The following CNBD2 variants were observed in gnomAD, a reference collection of about 807,000 sequenced individuals.
CNBD2 encodes cyclic nucleotide-binding domain-containing protein 2.
A neutral mutation model predicts 63.7 loss-of-function variants in CNBD2; 64 were observed. The ratio of observed to expected loss-of-function variants is 1.00; its 90% confidence interval spans 0.82 to 1.24. The LOEUF is 1.24. Among genes scored for constraint, CNBD2 ranks in the 50% most tolerant of loss-of-function variants. CNBD2 has a pLI of 0.00. For missense variants in CNBD2, 691 were observed against 713.5 expected, an observed-to-expected ratio of 0.97 and a Z score of 0.36; for synonymous variants, 229 against 255.4, an observed-to-expected ratio of 0.90 and a Z score of 0.99.
At chr20:36,000,719 T>A (rs888034271) in intron 8 of CNBD2, among the ~76,000 whole-genome samples, 1 of 148,900 alleles carries the variant, frequency 6.7e-6, no homozygotes, top group African/African-American at 2.6e-5. Context: ...CCACCACGCC[T>A]GGCTAATTTT....
intron 10 of CNBD2, among the ~76,000 whole-genome samples, chr20:36,015,723 G>A (rs1044493397): frequency 2.0e-5 from 3 of 152,146 alleles, no homozygotes; most frequent in African/African-American, 7.2e-5. Flanking sequence ...AGCAGTGTTG[G>A]ATTATAACCA....
At chr20:36,017,537 C>T (rs967525900) in intron 10 of CNBD2, among the ~76,000 whole-genome samples, 1 of 152,102 alleles carries the variant, frequency 6.6e-6, no homozygotes, top group African/African-American at 2.4e-5. Context: ...TTAGAAATTT[C>T]TTCCTTTTGT....
At position 36,023,768 on chromosome 20, in the gene CNBD2, C is replaced by G. The variant is rs753316398; in HGVS notation, c.1436C>G (p.Pro479Arg). Residue 479 changes from proline (P) to arginine (R), a missense_variant, in exon 11 of 12, where the codon CCC (proline) becomes CGC (arginine). Pro to Arg is a moderately radical substitution (Grantham distance 103, BLOSUM62 -2). Coordinates refer to ENST00000373973, the MANE Select transcript of CNBD2 (RefSeq NM_001365709.1). ...TTGTTAAAGCTCAATATTGCATTCC[C>G]CAGGTCAGTACTGGAAATGTGCGTA... The part of the protein sequence containing the change: ...KKLLKLNIAF[P>R]SDEDMCQKFL... 6.2e-7 allele frequency: 1 copy of G among 1,608,340 alleles called. No homozygotes were observed. The highest frequency in any genetic ancestry group is 8.5e-7 in the Non-Finnish European group (1 of 1,177,372).
At chr20:35,954,862 G>T in exon 1 of CNBD2, 1 of 304,150 alleles carries the variant, frequency 3.3e-6, no homozygotes, top group Non-Finnish European at 6.8e-6. Context: ...GCTCGTTCGA[G>T]TGGCGCCCGG....
chr20:36,007,785 G>A (rs1440119138), intron 8 of CNBD2, among the ~76,000 whole-genome samples: 3 of 152,190 alleles, frequency 2.0e-5, no homozygotes, highest in Non-Finnish European at 4.4e-5. Context: ...ATCTCCCAAA[G>A]TGCTGGGATT....
intron 10 of CNBD2, among the ~76,000 whole-genome samples, chr20:36,017,342 T>C (rs2057148871): frequency 6.6e-6 from 1 of 152,148 alleles, no homozygotes; most frequent in Non-Finnish European, 1.5e-5. Flanking sequence ...CCTCTGTTCC[T>C]CTGTCACTAT....
At chr20:35,965,014 A>G (rs1287129328), upstream of CNBD2, among the ~76,000 whole-genome samples, 1 of 152,046 alleles carries the variant, frequency 6.6e-6, no homozygotes, top group Non-Finnish European at 1.5e-5. Flanking sequence ...TATATCTTTC[A>G]TAGCTTTATT....
At chr20:35,986,476 C>G (rs991720445) in intron 6 of CNBD2, among the ~76,000 whole-genome samples, 7 of 152,072 alleles carry the variant, frequency 4.6e-5, no homozygotes, top group Non-Finnish European at 1.0e-4. Context: ...ACCCTTCTCC[C>G]AAGGTCATGG....
intron 5 of CNBD2, among the ~76,000 whole-genome samples, 157 bp from the exon 6 acceptor site, chr20:35,984,470 G>T (rs2056639037): frequency 6.6e-6 from 1 of 152,188 alleles, no homozygotes. Flanking sequence ...GTGGGCCCCA[G>T]TGGGAGAATG....
chr20:35,967,338 C>T (rs2056354516), upstream of CNBD2, among the ~76,000 whole-genome samples: 2 of 148,210 alleles, frequency 1.3e-5, no homozygotes, highest in Admixed American at 1.4e-4. Flanking sequence ...CAACCTCTGC[C>T]TCCCGGGTTC....
intron 10 of CNBD2, among the ~76,000 whole-genome samples, chr20:36,018,751 G>A (rs1033618302): frequency 6.6e-6 from 1 of 152,200 alleles, no homozygotes; most frequent in Non-Finnish European, 1.5e-5. Context: ...CCTCTGAGGT[G>A]GTCAAGACTG....
At chr20:35,969,057 A>T (rs942513053) in intron 1 of CNBD2, among the ~76,000 whole-genome samples, 1 of 152,186 alleles carries the variant, frequency 6.6e-6, no homozygotes, top group Non-Finnish European at 1.5e-5. Flanking sequence ...TCTTCCTGCT[A>T]TTATGAGATC....
At chr20:35,992,158 G>A (rs559680202) in intron 7 of CNBD2, among the ~76,000 whole-genome samples, 2 of 152,306 alleles carry the variant, frequency 1.3e-5, no homozygotes, top group East Asian at 3.9e-4. Flanking sequence ...TGGGATTACA[G>A]GCATGAACCA....
At chr20:36,022,026 T>A (rs76294390) in intron 10 of CNBD2, among the ~76,000 whole-genome samples, 1 of 150,916 alleles carries the variant, frequency 6.6e-6, no homozygotes, top group Non-Finnish European at 1.5e-5. Context: ...TTTTTTTTTT[T>A]GAGTCACAGT....
At chr20:36,026,121 C>G (rs971675267) in intron 11 of CNBD2, among the ~76,000 whole-genome samples, 1 of 152,092 alleles carries the variant, frequency 6.6e-6, no homozygotes, top group Non-Finnish European at 1.5e-5. Flanking sequence ...GCAACCTCTG[C>G]CTCCCGGGCT....
chr20:35,995,602 A>G (rs1257521273), intron 8 of CNBD2, among the ~76,000 whole-genome samples: 2 of 152,034 alleles, frequency 1.3e-5, no homozygotes, highest in African/African-American at 4.8e-5. Flanking sequence ...TCATTTCTTC[A>G]TTCTGTTTTA....
rs1408805718 is a variant in CNBD2, at chr20:35,984,260, G to A, written c.564+122G>A. On this transcript the variant is annotated intron_variant, in intron 5 of 11. Coordinates refer to ENST00000373973, the MANE Select transcript of CNBD2 (RefSeq NM_001365709.1). Reference sequence around the variant, plus strand: ...TACTCTGTACAAGTCAGTGTCCCGTGTGGGCCCCTTACCTGTCAAATGCTA... The same window carrying A: ...TACTCTGTACAAGTCAGTGTCCCGTATGGGCCCCTTACCTGTCAAATGCTA... 4.0e-6 allele frequency: 4 copies of A among 1,010,422 alleles called. No homozygotes were observed. In the Admixed American group the frequency reaches 8.6e-5, roughly 22 times the overall value. 62.6% of individuals were successfully genotyped at this position (1,010,422 alleles called of 1,614,324 possible).
At chr20:36,026,350 A>G (rs966797776) in intron 11 of CNBD2, among the ~76,000 whole-genome samples, 11 of 152,072 alleles carry the variant, frequency 7.2e-5, no homozygotes, top group Non-Finnish European at 1.6e-4. Context: ...CCACTTCGGG[A>G]CCACCAAGCT....
chr20:35,966,885 G>T (rs1223629657), upstream of CNBD2, among the ~76,000 whole-genome samples: 2 of 152,066 alleles, frequency 1.3e-5, no homozygotes, highest in Admixed American at 1.3e-4. Context: ...TTTTTCTTCT[G>T]TTCCCCACTT....
Sources: allele counts gnomAD v4.1 joint callset (sites outside exome capture counted in the v4.1 genomes callset), GRCh38; gene constraint gnomAD v4.1.1; transcripts MANE v1.5; gene names NCBI Gene and HGNC (gene_info 2026-07-23, HGNC 2026-07-21).